NRXN1: variants seen among roughly 807,000 people sequenced by gnomAD.
NRXN1 encodes the protein neurexin 1, also known as neurexin-1.
In NRXN1, 39 loss-of-function variants were observed where a neutral mutation model predicts 150.9. That is an observed-to-expected ratio of 0.26 (90% CI 0.20 to 0.34). The LOEUF (loss-of-function observed/expected upper bound fraction) is 0.34. NRXN1 is among the 10% of genes least tolerant of loss of function. NRXN1 has a pLI of 1.00. For synonymous variants in NRXN1, 924 were observed against 757.0 expected, an observed-to-expected ratio of 1.22 and a Z score of -3.62; for missense variants, 1,815 against 1,949.9, an observed-to-expected ratio of 0.93 and a Z score of 1.30.
chr2:50,594,530 A>T lies in NRXN1; in HGVS notation c.1320+25492T>A, dbSNP rs72884080. On this transcript the variant is annotated intron_variant, in intron 8 of 22. Coordinates refer to ENST00000401669, the MANE Select transcript of NRXN1 (RefSeq NM_001330078.2). Reference sequence around the variant, plus strand: ...AGACCTCCTGATAACTTTATTACACATGATAACGTGTGCTAGGCTAAGAGA... The same window carrying T: ...AGACCTCCTGATAACTTTATTACACTTGATAACGTGTGCTAGGCTAAGAGA... Among the ~76,000 whole-genome samples the T allele has an allele frequency of 3.2e-3, 489 of 152,162 alleles. 4 individuals carry two copies. The highest frequency in any genetic ancestry group is 0.011 in the African/African-American group (461 of 41,564).
At chr2:50,862,465 C>A (rs954283812) in intron 5 of NRXN1, among the ~76,000 whole-genome samples, 6 of 152,022 alleles carry the variant, frequency 3.9e-5, no homozygotes, top group Non-Finnish European at 8.8e-5. Context: ...TAACTTGGTA[C>A]ATGGATACAT....
chr2:50,455,458 T>C (rs7603982), intron 17 of NRXN1, among the ~76,000 whole-genome samples: 33,812 of 152,058 alleles, frequency 0.22, 5,217 homozygotes, highest in East Asian at 0.53. Context: ...TTTAAAATCC[T>C]TAGGTTTTAT....
intron 5 of NRXN1, among the ~76,000 whole-genome samples, chr2:50,666,385 C>T (rs1658854874): frequency 6.6e-6 from 1 of 151,914 alleles, no homozygotes; most frequent in African/African-American, 2.4e-5. Flanking sequence ...TTTCATTTCT[C>T]TTAAACAATT....
intron 19 of NRXN1, among the ~76,000 whole-genome samples, chr2:50,068,090 A>G (rs956945718): frequency 3.9e-5 from 6 of 152,220 alleles, no homozygotes; most frequent in African/African-American, 7.2e-5. Context: ...AGTGGAAAAG[A>G]AAAGTCTGAT....
intron 2 of NRXN1, among the ~76,000 whole-genome samples, chr2:50,941,379 T>G (rs1393641545): frequency 1.3e-5 from 2 of 152,106 alleles, no homozygotes; most frequent in African/African-American, 4.8e-5. Context: ...TTGGAATAGT[T>G]TGGAAGACTC....
intron 17 of NRXN1, among the ~76,000 whole-genome samples, chr2:50,452,306 T>C (rs1380421389): frequency 6.6e-6 from 1 of 152,154 alleles, no homozygotes; most frequent in Admixed American, 6.6e-5. Context: ...GGCTGCATCC[T>C]AGAAGAGCCT....
chr2:50,622,630 A>T (rs1251881317), intron 6 of NRXN1, among the ~76,000 whole-genome samples: 1 of 152,206 alleles, frequency 6.6e-6, no homozygotes, highest in Admixed American at 6.5e-5. Context: ...AGATTTAGTA[A>T]ATAGTTGATA....
chr2:50,760,348 T>G (rs1701664733), intron 5 of NRXN1, among the ~76,000 whole-genome samples: 1 of 151,894 alleles, frequency 6.6e-6, no homozygotes, highest in African/African-American at 2.4e-5. Context: ...ACACAACTTG[T>G]TCCCAGTCAT....
At chr2:50,727,364 A>G (rs1697508548) in intron 5 of NRXN1, among the ~76,000 whole-genome samples, 1 of 152,188 alleles carries the variant, frequency 6.6e-6, no homozygotes, top group Non-Finnish European at 1.5e-5. Context: ...CTAGGCTATA[A>G]TTAGTATTCA....
chr2:50,143,182 G>A (rs1024112243), intron 18 of NRXN1, among the ~76,000 whole-genome samples: 18 of 150,832 alleles, frequency 1.2e-4, no homozygotes, highest in African/African-American at 4.1e-4. Flanking sequence ...AATGAAGAAA[G>A]AAAAATAAAA....
At chr2:50,001,967 C>G (rs1257341713) in intron 21 of NRXN1, among the ~76,000 whole-genome samples, 6 of 151,982 alleles carry the variant, frequency 3.9e-5, no homozygotes, top group Non-Finnish European at 5.9e-5. Context: ...ATGCAAGCTG[C>G]TAATGGAGAG....
chr2:50,725,870 A>AT (rs1697297558), intron 5 of NRXN1, among the ~76,000 whole-genome samples: 1 of 152,146 alleles, frequency 6.6e-6, no homozygotes, highest in Non-Finnish European at 1.5e-5. Flanking sequence ...AATATTTGTA[A>AT]AAATAAACTT....
At chr2:50,672,638 C>CTT (rs1229134419) in intron 5 of NRXN1, among the ~76,000 whole-genome samples, 1 of 151,774 alleles carries the variant, frequency 6.6e-6, no homozygotes, top group Admixed American at 6.6e-5. Context: ...CAATATTTTG[C>CTT]TTAGCAAGGT....
intron 5 of NRXN1, among the ~76,000 whole-genome samples, chr2:50,776,974 G>C (rs993896043): frequency 6.6e-6 from 1 of 152,142 alleles, no homozygotes; most frequent in Admixed American, 6.5e-5. Context: ...AAAGATTTAA[G>C]TGACCATTTA....
chr2:50,829,753 G>A, intron 5 of NRXN1: 1 of 1,565,416 alleles, frequency 6.4e-7, no homozygotes, highest in Non-Finnish European at 8.6e-7. Flanking sequence ...GCACGGCATG[G>A]CCCGCTTAAG....
chr2:50,293,308 A>G (rs1468545363), intron 17 of NRXN1, among the ~76,000 whole-genome samples: 5 of 152,040 alleles, frequency 3.3e-5, no homozygotes, highest in Non-Finnish European at 7.4e-5. Context: ...TATATACACC[A>G]GTGATAGTTC....
chr2:50,782,000 G>A (rs1311631142), intron 5 of NRXN1, among the ~76,000 whole-genome samples: 2 of 152,164 alleles, frequency 1.3e-5, no homozygotes, highest in Admixed American at 6.5e-5. Context: ...TACTATCACC[G>A]AAAAATAAGT....
chr2:50,357,814 G>A (rs1222096037), intron 17 of NRXN1, among the ~76,000 whole-genome samples: 1 of 152,184 alleles, frequency 6.6e-6, no homozygotes, highest in Non-Finnish European at 1.5e-5. Context: ...AACAGCTCTG[G>A]TCTGCAGCTC....
chr2:50,790,609 A>C (rs1293213975), intron 5 of NRXN1, among the ~76,000 whole-genome samples: 1 of 152,158 alleles, frequency 6.6e-6, no homozygotes, highest in Non-Finnish European at 1.5e-5. Flanking sequence ...GAGAAAACAC[A>C]CCTGCTTGTC....
Sources: gnomAD v4.1 joint callset for allele counts (sites outside exome capture counted in the v4.1 genomes callset) on GRCh38, gnomAD v4.1.1 for gene constraint, MANE v1.5 for transcripts, NCBI Gene and HGNC (gene_info 2026-07-23, HGNC 2026-07-21) for gene names.